RBFOX1: variants seen among roughly 807,000 people sequenced by gnomAD.
RBFOX1 encodes RNA binding protein fox-1 homolog 1.
Under a neutral mutation model 57.7 loss-of-function variants are expected in RBFOX1, and 8 were observed. The ratio of observed to expected loss-of-function variants is 0.14; its 90% CI spans 0.08 to 0.25. The LOEUF is 0.25. RBFOX1 is among the 10% of genes least tolerant of loss of function. RBFOX1 has a pLI of 1.00. For synonymous variants in RBFOX1, 326 were observed against 222.4 expected (o/e 1.47, Z -4.15); for missense variants, 611 against 548.5 (o/e 1.11, Z -1.14).
intron 3 of RBFOX1, among the ~76,000 whole-genome samples, chr16:5,735,482 T>A (rs1354325188): frequency 6.6e-6 from 1 of 152,230 alleles, no homozygotes; most frequent in Admixed American, 6.5e-5. Context: ...TGTTTTGCCA[T>A]GCCCCACCCT....
At chr16:6,132,929 C>T (rs1453351364) in intron 1 of RBFOX1, among the ~76,000 whole-genome samples, 2 of 148,684 alleles carry the variant, frequency 1.3e-5, no homozygotes, top group African/African-American at 2.5e-5. Flanking sequence ...CATGCCACTG[C>T]ACTCCATCCT....
chr16:5,955,341 TAAAATAAAATAAATAAAAATAAAATAAAA>T (rs1567187744), intron 4 of RBFOX1, among the ~76,000 whole-genome samples: 2,000 of 42,240 alleles, frequency 0.047, 166 homozygotes, highest in African/African-American at 0.14. Context: ...TAAAATAAAA[TAAAATAAAATAAATAAAAATAAAATAAAA>T]TAAAATAAAA....
intron 3 of RBFOX1, chr16:6,705,006 C>T (rs969631954): frequency 1.3e-5 from 2 of 152,058 alleles, no homozygotes; most frequent in Non-Finnish European, 2.9e-5. Context: ...TAACTTTAAT[C>T]CGGAACCTTG....
At chr16:6,901,435 G>C (rs1674920675) in intron 3 of RBFOX1, among the ~76,000 whole-genome samples, 1 of 152,118 alleles carries the variant, frequency 6.6e-6, no homozygotes, top group African/African-American at 2.4e-5. Context: ...CAGAGTCCAA[G>C]AGGTCAAAGG....
chr16:6,994,122 G>C lies in RBFOX1; in HGVS notation c.-15-57935G>C, dbSNP rs118103181. On this transcript the variant is annotated intron_variant, in intron 3 of 15. Coordinates refer to ENST00000550418, the MANE Select transcript of RBFOX1 (RefSeq NM_018723.4). Reference sequence around the variant, plus strand: ...TTGAAATGATATCTGCCCGTGATGAGGGGAGTTTGGGAATTGCGCTTGGGG... The same window carrying C: ...TTGAAATGATATCTGCCCGTGATGACGGGAGTTTGGGAATTGCGCTTGGGG... Among the ~76,000 whole-genome samples, 633 of 152,238 alleles carry C rather than the reference G, an allele frequency of 4.2e-3. 4 individuals carry two copies. Among genetic ancestry groups the C allele is most frequent in the Non-Finnish European group, 7.8e-3 (530 of 68,034 alleles).
chr16:7,094,744 C>CTGTGTG (rs370249382), intron 4 of RBFOX1, among the ~76,000 whole-genome samples: 29,087 of 139,176 alleles, frequency 0.21, 3,126 homozygotes, highest in East Asian at 0.33. Flanking sequence ...GACTGTACAG[C>CTGTGTG]TGTGTGTGTG....
At chr16:6,786,909 A>T (rs35844143) in intron 3 of RBFOX1, among the ~76,000 whole-genome samples, 24 of 14,846 alleles carry the variant, frequency 1.6e-3, no homozygotes, top group Admixed American at 2.7e-3. Context: ...TTTTACTTTT[A>T]AAAAAAAAAA....
chr16:5,422,978 G>T (rs1253034095), intron 1 of RBFOX1, among the ~76,000 whole-genome samples: 2 of 120,678 alleles, frequency 1.7e-5, no homozygotes, highest in African/African-American at 6.2e-5. Context: ...GGAGAGGGAG[G>T]AGTGGGGAGA....
chr16:7,006,290 G>C (rs973443459), intron 3 of RBFOX1, among the ~76,000 whole-genome samples: 3 of 152,020 alleles, frequency 2.0e-5, no homozygotes, highest in East Asian at 1.9e-4. Flanking sequence ...GAGTAGCTGG[G>C]ATTACAGGTA....
chr16:5,905,635 C>T (rs1178344390), intron 4 of RBFOX1, among the ~76,000 whole-genome samples: 1 of 152,142 alleles, frequency 6.6e-6, no homozygotes, highest in Non-Finnish European at 1.5e-5. Context: ...GTCAAGGCTG[C>T]AGTACGCTGT....
intron 4 of RBFOX1, among the ~76,000 whole-genome samples, chr16:7,391,125 G>A (rs1197134681): frequency 6.6e-6 from 1 of 152,174 alleles, no homozygotes; most frequent in Non-Finnish European, 1.5e-5. Context: ...ATATGTGACA[G>A]TTAATCCACT....
At chr16:7,551,594 A>C (rs1463453765) in intron 5 of RBFOX1, among the ~76,000 whole-genome samples, 1 of 152,192 alleles carries the variant, frequency 6.6e-6, no homozygotes, top group Non-Finnish European at 1.5e-5. Flanking sequence ...GAATGTGAGA[A>C]ATGTTACAAA....
intron 2 of RBFOX1, among the ~76,000 whole-genome samples, chr16:6,601,973 C>A (rs1256493449): frequency 1.3e-5 from 2 of 151,920 alleles, no homozygotes; most frequent in African/African-American, 4.9e-5. Context: ...ATAAACAACT[C>A]TTCTCTCTTG....
chr16:5,667,247 C>T (rs1009981513), intron 3 of RBFOX1, among the ~76,000 whole-genome samples: 3 of 152,170 alleles, frequency 2.0e-5, no homozygotes, highest in South Asian at 2.1e-4. Context: ...ACTCTCTCCA[C>T]CCCCAAGATT....
chr16:7,518,495 A>G lies in RBFOX1; in HGVS notation c.270+106A>G, dbSNP rs546243502. On this transcript the variant is annotated intron_variant, in intron 5 of 15. Transcript: ENST00000550418. Reference sequence around the variant, plus strand: ...CATCTACCCAGGGACTCTGGGAAACAGATCAGTCCCTAAGCCCACCCTCAT... The same window carrying G: ...CATCTACCCAGGGACTCTGGGAAACGGATCAGTCCCTAAGCCCACCCTCAT... The G allele has an allele frequency of 2.0e-5, 29 of 1,455,982 alleles. No individual in the cohort carries two copies. The Admixed American group carries it at 2.7e-4, about 14-fold the overall frequency. 90.2% of individuals were successfully genotyped at this position (1,455,982 alleles called of 1,614,324 possible).
At chr16:6,807,857 A>G (rs1307639954) in intron 3 of RBFOX1, among the ~76,000 whole-genome samples, 5 of 150,794 alleles carry the variant, frequency 3.3e-5, no homozygotes, top group Non-Finnish European at 2.9e-5. Context: ...TTGAATATGT[A>G]TGTTAGTATA....
chr16:6,605,077 A>G (rs1460572893), intron 2 of RBFOX1, among the ~76,000 whole-genome samples: 3 of 152,130 alleles, frequency 2.0e-5, no homozygotes, highest in Non-Finnish European at 2.9e-5. Context: ...TTTTATATAT[A>G]TACACACACA....
chr16:7,002,842 T>C (rs1044556398), intron 3 of RBFOX1, among the ~76,000 whole-genome samples: 2 of 152,200 alleles, frequency 1.3e-5, no homozygotes, highest in African/African-American at 4.8e-5. Flanking sequence ...ATTAGGCTGA[T>C]AGGAGTTTCT....
intron 2 of RBFOX1, among the ~76,000 whole-genome samples, chr16:6,549,770 A>C (rs914833011): frequency 8.6e-5 from 13 of 152,046 alleles, no homozygotes; most frequent in Non-Finnish European, 1.6e-4. Context: ...TGACTAAATG[A>C]AATAGGCAGA....
Sources: gnomAD v4.1 joint callset for allele counts (sites outside exome capture counted in the v4.1 genomes callset) on GRCh38, gnomAD v4.1.1 for gene constraint, MANE v1.5 for transcripts, NCBI Gene and HGNC (gene_info 2026-07-23, HGNC 2026-07-21) for gene names.